The following ERG variants were observed in gnomAD, a reference collection of about 807,000 sequenced individuals.
ERG encodes ETS transcription factor ERG.
ERG carries 9 observed loss-of-function variants against 55.3 expected under a neutral mutation model. The ratio of observed to expected loss-of-function variants is 0.16; its 90% CI spans 0.10 to 0.28. The LOEUF is 0.28. ERG is among the 10% of genes least tolerant of loss of function. The pLI is 1.00. For missense variants in ERG, 434 were observed against 631.6 expected, an observed-to-expected ratio of 0.69 and a Z score of 3.35; for synonymous variants, 223 against 237.3, an observed-to-expected ratio of 0.94 and a Z score of 0.55.
At chr21:38,510,437 G>T (rs2059502748) in intron 2 of ERG, among the ~76,000 whole-genome samples, 1 of 152,186 alleles carries the variant, frequency 6.6e-6, no homozygotes, top group Non-Finnish European at 1.5e-5. Context: ...TTCTTTAACA[G>T]CCAGAACACT....
At chr21:38,567,073 TG>T (rs3838110) in intron 2 of ERG, among the ~76,000 whole-genome samples, 99,298 of 151,742 alleles carry the variant, frequency 0.65, 33,118 homozygotes, top group Middle Eastern at 0.74. Flanking sequence ...ATCGCCAGAC[TG>T]GGGGGGGGAT....
chr21:38,413,020 T>C (rs1601357470), intron 3 of ERG, among the ~76,000 whole-genome samples: 1 of 152,212 alleles, frequency 6.6e-6, no homozygotes, highest in Admixed American at 6.5e-5. Context: ...CTGTTGTGTG[T>C]ATGGGGTGGG....
rs750991734 is a variant in ERG at position 38,380,078 on chromosome 21, C to T, written c.*3325G>A. The T allele has an allele frequency of 2.0e-6, 2 of 1,018,998 alleles. No homozygotes were observed. Among genetic ancestry groups the T allele is most frequent in the Non-Finnish European group, 2.4e-6 (2 of 849,550 alleles). The allele number at this position is 1,018,998 out of a possible 1,614,324, so 63.1% of individuals were successfully genotyped here. ...GTAATTTTTATTCTCTAATTAGTCA[C>T]CTCACGACTTTATTTGAATGAATTA... On this transcript the variant is annotated 3_prime_UTR_variant, in exon 10 of 10. Transcript: ENST00000288319.
intron 1 of ERG, among the ~76,000 whole-genome samples, chr21:38,625,379 G>A (rs1305295375): frequency 1.3e-5 from 2 of 151,948 alleles, no homozygotes; most frequent in African/African-American, 2.4e-5. Context: ...TTTAAATTTT[G>A]GGATACATGT....
chr21:38,495,573 G>A (rs1257468657), intron 1 of ERG, among the ~76,000 whole-genome samples: 2 of 152,162 alleles, frequency 1.3e-5, no homozygotes, highest in African/African-American at 4.8e-5. Flanking sequence ...ATCTTTCTAG[G>A]ATCAGAACTT....
the ERG span, among the ~76,000 whole-genome samples, chr21:38,367,874 G>A: frequency 6.6e-6 from 1 of 152,164 alleles, no homozygotes; most frequent in African/African-American, 2.4e-5. Context: ...ATCCTCTGCA[G>A]AGAACAATTA....
At chr21:38,505,061 C>T (rs1020140281) in intron 2 of ERG, among the ~76,000 whole-genome samples, 1 of 152,086 alleles carries the variant, frequency 6.6e-6, no homozygotes, top group Non-Finnish European at 1.5e-5. Context: ...TTTTAGTTTT[C>T]GGTTGAGGTG....
chr21:38,461,443 A>G (rs904066958), intron 1 of ERG, among the ~76,000 whole-genome samples: 23 of 152,206 alleles, frequency 1.5e-4, no homozygotes, highest in African/African-American at 5.5e-4. Flanking sequence ...TAACTCAGGG[A>G]ACACTATTCA....
chr21:38,549,825 G>T (rs1195723916), intron 2 of ERG, among the ~76,000 whole-genome samples: 1 of 152,146 alleles, frequency 6.6e-6, no homozygotes, highest in Non-Finnish European at 1.5e-5. Context: ...CTGGGGCGGT[G>T]AGAGTGAGGG....
intron 1 of ERG, among the ~76,000 whole-genome samples, chr21:38,604,250 T>TC (rs199816055): frequency 8.1e-6 from 1 of 123,944 alleles, no homozygotes; most frequent in Non-Finnish European, 1.6e-5. Flanking sequence ...CGAGACTCCG[T>TC]CAAAAAAAAA....
intron 2 of ERG, among the ~76,000 whole-genome samples, chr21:38,554,409 G>A (rs1250435696): frequency 6.6e-6 from 1 of 152,150 alleles, no homozygotes; most frequent in Non-Finnish European, 1.5e-5. Context: ...CAAAGACATA[G>A]AACCAATCTA....
intron 1 of ERG, among the ~76,000 whole-genome samples, chr21:38,468,954 C>T (rs2059114423): frequency 7.4e-6 from 1 of 135,402 alleles, no homozygotes; most frequent in African/African-American, 2.9e-5. Context: ...CACTGCACTC[C>T]AGCCTGGGAG....
intron 3 of ERG, among the ~76,000 whole-genome samples, chr21:38,412,164 T>C (rs1989088475): frequency 6.6e-6 from 1 of 152,000 alleles, no homozygotes; most frequent in Non-Finnish European, 1.5e-5. Flanking sequence ...AATGGCAAAT[T>C]TGGTCTATCT....
chr21:38,635,658 G>A (rs1405335386), intron 1 of ERG, among the ~76,000 whole-genome samples: 1 of 152,086 alleles, frequency 6.6e-6, no homozygotes, highest in African/African-American at 2.4e-5. Context: ...CACAATTATT[G>A]AGCATAAAAT....
At chr21:38,391,234 G>C (rs920468075) in intron 8 of ERG, among the ~76,000 whole-genome samples, 192 bp from the exon 9 acceptor site, 1 of 152,092 alleles carries the variant, frequency 6.6e-6, no homozygotes, top group African/African-American at 2.4e-5. Context: ...TCTTGCTAGG[G>C]GACTCCTAAT....
At chr21:38,587,294 C>T (rs1483741601), upstream of ERG, among the ~76,000 whole-genome samples, 1 of 152,090 alleles carries the variant, frequency 6.6e-6, no homozygotes, top group Non-Finnish European at 1.5e-5. Context: ...GCTCGGCAGC[C>T]TGATGTTCAA....
At chr21:38,551,206 T>C (rs1367544739) in intron 2 of ERG, among the ~76,000 whole-genome samples, 1 of 152,096 alleles carries the variant, frequency 6.6e-6, no homozygotes, top group East Asian at 1.9e-4. Flanking sequence ...CCTTTGTCAT[T>C]TCTGATTATG....
rs2058881189 is a variant in ERG at position 38,445,324 on chromosome 21, C to A, written c.236+80G>T. The A allele has an allele frequency of 3.7e-6, 4 of 1,095,080 alleles. No homozygotes were observed. In the Admixed American group the frequency reaches 8.0e-5, roughly 22 times the overall value. 67.8% of individuals were successfully genotyped at this position (1,095,080 alleles called of 1,614,324 possible). ...CTTTCTAAGTCAATCTTTAGAGAAG[C>A]ATGACTGACTTCCACTTTGCCTTTG... On this transcript the variant is annotated intron_variant, in intron 2 of 9. Coordinates refer to ENST00000288319, the MANE Select transcript of ERG (RefSeq NM_182918.4).
intron 1 of ERG, among the ~76,000 whole-genome samples, chr21:38,624,590 G>A (rs544717576): frequency 2.0e-5 from 3 of 152,248 alleles, no homozygotes; most frequent in East Asian, 1.9e-4. Flanking sequence ...GTCCACCTCC[G>A]TTCACAGCGT....
Sources: allele counts gnomAD v4.1 joint callset (sites outside exome capture counted in the v4.1 genomes callset), GRCh38; gene constraint gnomAD v4.1.1; transcripts MANE v1.5; gene names NCBI Gene and HGNC (gene_info 2026-07-23, HGNC 2026-07-21).